KCNIP1: variants seen among roughly 807,000 people sequenced by gnomAD.
KCNIP1 encodes the protein A-type potassium channel modulatory protein KCNIP1.
A neutral mutation model predicts 33.0 loss-of-function variants in KCNIP1; 18 were observed. The observed-to-expected ratio is 0.55, with a 90% CI of 0.38 to 0.81. The LOEUF (loss-of-function observed/expected upper bound fraction) is 0.81. Ranked by LOEUF, KCNIP1 falls within the 30% of genes least tolerant of loss-of-function variation. KCNIP1 has a pLI of 0.00. For synonymous variants in KCNIP1, 93 were observed against 98.3 expected, an observed-to-expected ratio of 0.95 and a Z score of 0.32; for missense variants, 238 against 271.6, an observed-to-expected ratio of 0.88 and a Z score of 0.87.
chr5:170,644,332 G>A (rs531211280), intron 1 of KCNIP1, among the ~76,000 whole-genome samples: 3 of 152,334 alleles, frequency 2.0e-5, no homozygotes, highest in South Asian at 2.1e-4. Context: ...AGCCGAGTGC[G>A]GGAGACTCTT....
intron 1 of KCNIP1, among the ~76,000 whole-genome samples, chr5:170,581,814 C>T (rs1452880628): frequency 6.6e-6 from 1 of 152,172 alleles, no homozygotes; most frequent in East Asian, 1.9e-4. Context: ...TTATTTGGCT[C>T]ACAGTTCTAC....
chr5:170,416,047 A>G (rs530997115), intron 1 of KCNIP1, among the ~76,000 whole-genome samples: 1 of 152,204 alleles, frequency 6.6e-6, no homozygotes, highest in South Asian at 2.1e-4. Context: ...GGCCACAGTG[A>G]GGGGTGCAAA....
intron 1 of KCNIP1, among the ~76,000 whole-genome samples, chr5:170,456,072 A>G (rs1756363716): frequency 6.6e-6 from 1 of 152,244 alleles, no homozygotes; most frequent in African/African-American, 2.4e-5. Flanking sequence ...ATGCCCATCA[A>G]TGATAGACTG....
chr5:170,551,780 AGTGT>A lies in KCNIP1; in HGVS notation c.61+47152_61+47155del, dbSNP rs558671378. On this transcript the variant is annotated intron_variant, in intron 1 of 7. Transcript: ENST00000328939. Reference sequence around the variant, plus strand: ...GTGTATGTGTAGGTGTATGAATGTGAGTGTGTGTATGTTCAAGTATGTGTGTGAA... The same window carrying A: ...GTGTATGTGTAGGTGTATGAATGTGAGTGTATGTTCAAGTATGTGTGTGAA... 6.5e-3 allele frequency among the ~76,000 whole-genome samples: 979 copies of A among 151,002 alleles called. 6 individuals are homozygous for A. The highest frequency in any genetic ancestry group is 9.0e-3 in the Non-Finnish European group (613 of 67,738).
intron 1 of KCNIP1, among the ~76,000 whole-genome samples, chr5:170,675,295 T>A (rs1762088510): frequency 6.6e-6 from 1 of 151,116 alleles, no homozygotes; most frequent in South Asian, 2.1e-4. Context: ...TGAGACCCTG[T>A]CTCAAAAAAT....
intron 1 of KCNIP1, among the ~76,000 whole-genome samples, chr5:170,452,903 C>T (rs1013377662): frequency 6.6e-6 from 1 of 152,032 alleles, no homozygotes; most frequent in Non-Finnish European, 1.5e-5. Flanking sequence ...GGATCGTTCA[C>T]AGATGGAGTT....
chr5:170,657,999 A>T (rs2113739506), intron 1 of KCNIP1, among the ~76,000 whole-genome samples: 1 of 152,310 alleles, frequency 6.6e-6, no homozygotes, highest in South Asian at 2.1e-4. Flanking sequence ...GCTCTCTAAG[A>T]GGTATCTAAG....
At chr5:170,383,479 C>T (rs1416310271) in intron 1 of KCNIP1, 4 of 645,444 alleles carry the variant, frequency 6.2e-6, no homozygotes, top group African/African-American at 3.6e-5. Flanking sequence ...TATGTTTACA[C>T]AGCCAGTTAG....
chr5:170,678,935 A>G (rs535726471), intron 1 of KCNIP1: 6 of 152,218 alleles, frequency 3.9e-5, no homozygotes, highest in African/African-American at 1.2e-4. Context: ...TACCAGAAAC[A>G]TGGAAGTCTT....
chr5:170,431,271 G>A (rs568062727), intron 1 of KCNIP1, among the ~76,000 whole-genome samples: 1 of 152,240 alleles, frequency 6.6e-6, no homozygotes, highest in Non-Finnish European at 1.5e-5. Context: ...CAACAATTGT[G>A]TGGAGTGAGT....
chr5:170,563,905 T>C (rs950219487), intron 1 of KCNIP1, among the ~76,000 whole-genome samples: 29 of 152,204 alleles, frequency 1.9e-4, no homozygotes, highest in African/African-American at 6.5e-4. Flanking sequence ...CCCAAAGTGC[T>C]GGGATTACAA....
At chr5:170,721,787 G>A (rs775576454) in intron 3 of KCNIP1, 46 bp from the exon 4 acceptor site, 3 of 1,614,134 alleles carry the variant, frequency 1.9e-6, no homozygotes, top group Non-Finnish European at 2.5e-6. Flanking sequence ...TTCTCCCTGT[G>A]TGGAATTCCT....
At chr5:170,533,752 A>G (rs1755867383) in intron 1 of KCNIP1, among the ~76,000 whole-genome samples, 1 of 151,322 alleles carries the variant, frequency 6.6e-6, no homozygotes, top group South Asian at 2.1e-4. Context: ...CACACTTTGA[A>G]TCTCAAGACT....
chr5:170,367,875 G>T (rs1454892406), intron 1 of KCNIP1, among the ~76,000 whole-genome samples: 1 of 152,194 alleles, frequency 6.6e-6, no homozygotes, highest in African/African-American at 2.4e-5. Flanking sequence ...TCTATTCTAA[G>T]CAAATCATCA....
chr5:170,657,364 G>T (rs947284336), intron 1 of KCNIP1, among the ~76,000 whole-genome samples: 4 of 152,124 alleles, frequency 2.6e-5, no homozygotes, highest in African/African-American at 9.7e-5. Context: ...GGAAATGAGG[G>T]TGAGGAGGGG....
chr5:170,639,314 G>A (rs960646354), intron 1 of KCNIP1: 5 of 152,092 alleles, frequency 3.3e-5, no homozygotes, highest in African/African-American at 1.2e-4. Context: ...CTGGCTCCAC[G>A]ATCACCTCCA....
intron 1 of KCNIP1, among the ~76,000 whole-genome samples, chr5:170,421,115 G>T (rs1755477559): frequency 6.6e-6 from 1 of 152,202 alleles, no homozygotes; most frequent in Non-Finnish European, 1.5e-5. Context: ...AAGAGCTTGG[G>T]GTTGGAGGGG....
chr5:170,608,466 A>G (rs1759018498), intron 1 of KCNIP1, among the ~76,000 whole-genome samples: 1 of 152,238 alleles, frequency 6.6e-6, no homozygotes, highest in African/African-American at 2.4e-5. Flanking sequence ...ACTCGTGATG[A>G]AGATGAAATT....
chr5:170,453,523 C>T (rs537114774), intron 1 of KCNIP1, among the ~76,000 whole-genome samples: 23 of 152,334 alleles, frequency 1.5e-4, no homozygotes, highest in African/African-American at 5.1e-4. Flanking sequence ...AGTACTCCAA[C>T]ACGACTAGTG....
Sources: gnomAD v4.1 joint callset for allele counts (sites outside exome capture counted in the v4.1 genomes callset) on GRCh38, gnomAD v4.1.1 for gene constraint, MANE v1.5 for transcripts, NCBI Gene and HGNC (gene_info 2026-07-23, HGNC 2026-07-21) for gene names.